PCDH15: variants seen among roughly 807,000 people sequenced by gnomAD.
The protein encoded by PCDH15 is protocadherin related 15, also known as protocadherin-15.
A neutral mutation model predicts 178.5 loss-of-function variants in PCDH15; 129 were observed. That is an observed-to-expected ratio of 0.72 (90% confidence interval 0.63 to 0.84). The LOEUF (loss-of-function observed/expected upper bound fraction) is 0.84, where lower values mean the gene tolerates loss of function less well. Among genes scored for constraint, PCDH15 ranks in the 40% least tolerant of loss-of-function variants. The pLI, the probability that PCDH15 is intolerant of heterozygous loss-of-function variation, is 0.00. For synonymous variants in PCDH15, 800 were observed against 732.0 expected (o/e 1.09, Z -1.50); for missense variants, 2,230 against 2,099.9 (o/e 1.06, Z -1.21).
intron 3 of PCDH15, among the ~76,000 whole-genome samples, chr10:54,444,289 A>C (rs2076014273): frequency 6.6e-6 from 1 of 151,728 alleles, no homozygotes; most frequent in Non-Finnish European, 1.5e-5. Flanking sequence ...AGTACACTAC[A>C]TGATTCCGGG....
At chr10:54,376,096 T>C (rs983457492) in intron 4 of PCDH15, among the ~76,000 whole-genome samples, 5 of 150,532 alleles carry the variant, frequency 3.3e-5, no homozygotes, top group African/African-American at 9.7e-5. Context: ...GTTTTCACCG[T>C]GTTGGCCAGG....
chr10:54,080,800 T>C (rs1485681352), intron 16 of PCDH15, among the ~76,000 whole-genome samples: 1 of 152,172 alleles, frequency 6.6e-6, no homozygotes, highest in African/African-American at 2.4e-5. Context: ...CCAGAGCATG[T>C]TCACAACAAT....
At chr10:54,124,374 T>C (rs2041817463) in intron 15 of PCDH15, among the ~76,000 whole-genome samples, 1 of 152,082 alleles carries the variant, frequency 6.6e-6, no homozygotes, top group South Asian at 2.1e-4. Flanking sequence ...GTACGGAGTT[T>C]CAGTTTGGGA....
chr10:53,926,293 A>C (rs2133934007), intron 25 of PCDH15, among the ~76,000 whole-genome samples: 1 of 152,326 alleles, frequency 6.6e-6, no homozygotes, highest in East Asian at 1.9e-4. Flanking sequence ...AAAACAAAAA[A>C]CTGCAAGCAG....
intron 23 of PCDH15, among the ~76,000 whole-genome samples, chr10:53,957,302 C>T (rs2087711413): frequency 6.6e-6 from 1 of 151,992 alleles, no homozygotes; most frequent in African/African-American, 2.4e-5. Context: ...TTGAGAACAC[C>T]TGATCTAGAT....
At chr10:55,003,125 G>A (rs1415541410) in intron 2 of PCDH15, among the ~76,000 whole-genome samples, 2 of 152,058 alleles carry the variant, frequency 1.3e-5, no homozygotes, top group East Asian at 3.9e-4. Context: ...ATATGCCACA[G>A]AAATAACCAA....
At chr10:55,117,308 A>C (rs1837651561) in intron 2 of PCDH15, among the ~76,000 whole-genome samples, 1 of 152,174 alleles carries the variant, frequency 6.6e-6, no homozygotes, top group Admixed American at 6.6e-5. Flanking sequence ...CTTCTGCTGT[A>C]TTCATTAGAA....
chr10:53,945,837 GTATATATATATATATATA>G (rs56389905), intron 23 of PCDH15, among the ~76,000 whole-genome samples: 1,570 of 119,452 alleles, frequency 0.013, 32 homozygotes, highest in Middle Eastern at 0.019. Context: ...ATATTTCATT[GTATATATATATATATATA>G]TATATATATA....
intron 2 of PCDH15, among the ~76,000 whole-genome samples, chr10:54,982,318 T>C (rs575339855): frequency 6.6e-6 from 1 of 152,100 alleles, no homozygotes; most frequent in Non-Finnish European, 1.5e-5. Context: ...AACTAAACAG[T>C]ATGTAGAAAA....
At chr10:55,183,654 C>T (rs920271291) in intron 1 of PCDH15, among the ~76,000 whole-genome samples, 1 of 138,612 alleles carries the variant, frequency 7.2e-6, no homozygotes, top group Admixed American at 7.9e-5. Context: ...AGAGGAAAGG[C>T]GGGGGTAACA....
chr10:54,797,693 T>A (rs968690073), intron 1 of PCDH15, among the ~76,000 whole-genome samples: 3 of 152,154 alleles, frequency 2.0e-5, no homozygotes, highest in African/African-American at 7.2e-5. Context: ...GGAACAAATG[T>A]TTAGAGGGTG....
chr10:53,807,599 C>CTAGT (rs1215283430), intron 37 of PCDH15, among the ~76,000 whole-genome samples: 2 of 152,038 alleles, frequency 1.3e-5, no homozygotes, highest in African/African-American at 2.4e-5. Flanking sequence ...AATGTATTCT[C>CTAGT]TAGTTAGCGA....
intron 25 of PCDH15, among the ~76,000 whole-genome samples, chr10:53,916,646 T>C (rs1255733693): frequency 6.6e-6 from 1 of 152,204 alleles, no homozygotes; most frequent in Non-Finnish European, 1.5e-5. Flanking sequence ...GTAGTAGTTG[T>C]AATCTGGGCA....
chr10:54,321,964 C>T (rs888296464), intron 7 of PCDH15, among the ~76,000 whole-genome samples: 2 of 151,912 alleles, frequency 1.3e-5, no homozygotes, highest in African/African-American at 4.8e-5. Flanking sequence ...CTCATGCACA[C>T]TCATAACTTG....
chr10:55,076,605 G>A (rs928065230), intron 2 of PCDH15, among the ~76,000 whole-genome samples: 7 of 150,504 alleles, frequency 4.7e-5, no homozygotes, highest in South Asian at 2.1e-4. Flanking sequence ...CCACCATGGC[G>A]GCTAATTATT....
intron 29 of PCDH15, among the ~76,000 whole-genome samples, chr10:53,834,661 A>G (rs2077203768): frequency 6.6e-6 from 1 of 152,142 alleles, no homozygotes; most frequent in Admixed American, 6.5e-5. Context: ...TTATCCTGAA[A>G]TGAGATAAGT....
intron 8 of PCDH15, among the ~76,000 whole-genome samples, chr10:54,281,170 C>T (rs2058683955): frequency 6.6e-6 from 1 of 151,736 alleles, no homozygotes; most frequent in Non-Finnish European, 1.5e-5. Flanking sequence ...AATTCTCAGC[C>T]CACTTAAATA....
chr10:53,939,475 T>C (rs1220856196), intron 24 of PCDH15, among the ~76,000 whole-genome samples: 1 of 152,102 alleles, frequency 6.6e-6, no homozygotes, highest in Non-Finnish European at 1.5e-5. Flanking sequence ...CCTGTGTCTG[T>C]TTATTTAAAT....
In PCDH15 at chr10:55,334,919, A is replaced by C. The variant is rs143569045; in HGVS notation, c.-155-168268T>G. Among the ~76,000 whole-genome samples, 62 of 152,268 alleles carry C rather than the reference A, an allele frequency of 4.1e-4. No homozygotes were observed. The East Asian group carries it at 0.011, about 27-fold the overall frequency. ...CTATTATTAGATTATACCTCCTCAT[A>C]TGTAGTCCCTGTATTTTAGTATTGT... On this transcript the variant is annotated intron_variant, in intron 2 of 5. Transcript: ENST00000613346.
Sources: allele counts gnomAD v4.1 joint callset (sites outside exome capture counted in the v4.1 genomes callset), GRCh38; gene constraint gnomAD v4.1.1; transcripts MANE v1.5; gene names NCBI Gene and HGNC (gene_info 2026-07-23, HGNC 2026-07-21).